Variants in DNAH11 observed in about 807,000 individuals in gnomAD.
DNAH11 encodes axonemal beta dynein heavy chain 11.
In DNAH11, 442 loss-of-function variants were observed where a neutral mutation model predicts 526.0. The observed-to-expected ratio is 0.84, with a 90% confidence interval of 0.78 to 0.91. The LOEUF is 0.91. DNAH11 is among the 40% of genes least tolerant of loss of function. The pLI, the probability that DNAH11 is intolerant of heterozygous loss-of-function variation, is 0.00. For synonymous variants in DNAH11, 2,461 were observed against 1,935.9 expected, an observed-to-expected ratio of 1.27 and a Z score of -7.12; for missense variants, 6,989 against 5,448.7, an observed-to-expected ratio of 1.28 and a Z score of -8.90.
chr7:21,674,728 A>G (rs1035811005), intron 30 of DNAH11, among the ~76,000 whole-genome samples: 2 of 151,854 alleles, frequency 1.3e-5, no homozygotes, highest in South Asian at 4.2e-4. Context: ...TCCAGTCTAC[A>G]TCTCTCTCCT....
At chr7:21,681,235 T>A (rs74430554) in intron 30 of DNAH11, among the ~76,000 whole-genome samples, 7 of 152,192 alleles carry the variant, frequency 4.6e-5, no homozygotes, top group Admixed American at 2.0e-4. Flanking sequence ...GAGACCAGCC[T>A]GACCAAAATG....
At chr7:21,890,499 A>G (rs1216780790) in intron 76 of DNAH11, among the ~76,000 whole-genome samples, 2 of 152,162 alleles carry the variant, frequency 1.3e-5, no homozygotes, top group Non-Finnish European at 2.9e-5. Context: ...TTTATTAAGG[A>G]CAGATTAACT....
chr7:21,712,529 C>T (rs184005517), intron 42 of DNAH11, among the ~76,000 whole-genome samples: 5 of 152,296 alleles, frequency 3.3e-5, no homozygotes, highest in Admixed American at 1.3e-4. Flanking sequence ...ACACCTGTGC[C>T]GGCACTTGTT....
chr7:21,630,008 C>A (rs1461868463), intron 25 of DNAH11, among the ~76,000 whole-genome samples: 1 of 151,872 alleles, frequency 6.6e-6, no homozygotes, highest in Non-Finnish European at 1.5e-5. Flanking sequence ...TTACTGCCTT[C>A]CTTTATTGTT....
intron 47 of DNAH11, among the ~76,000 whole-genome samples, chr7:21,739,087 G>A (rs1785753657): frequency 6.6e-6 from 1 of 152,032 alleles, no homozygotes; most frequent in South Asian, 2.1e-4. Context: ...TGTATCTTTG[G>A]AAGATTGGAT....
At chr7:21,685,329 G>A (rs1783328091) in intron 32 of DNAH11, among the ~76,000 whole-genome samples, 1 of 152,160 alleles carries the variant, frequency 6.6e-6, no homozygotes, top group Non-Finnish European at 1.5e-5. Context: ...GGAGAAAAAG[G>A]GAAGAGGCAT....
At chr7:21,577,861 C>T (rs765421194) in intron 8 of DNAH11, among the ~76,000 whole-genome samples, 2 of 152,066 alleles carry the variant, frequency 1.3e-5, no homozygotes, top group Admixed American at 6.6e-5. Context: ...GATGCCAATA[C>T]CAAGATAATA....
intron 35 of DNAH11, among the ~76,000 whole-genome samples, chr7:21,694,293 T>C (rs967131748): frequency 6.6e-6 from 1 of 152,154 alleles, no homozygotes; most frequent in African/African-American, 2.4e-5. Flanking sequence ...CAACCCATCA[T>C]CTAGGTTTTA....
chr7:21,850,584 C>T (rs1288580131), intron 66 of DNAH11, among the ~76,000 whole-genome samples: 1 of 146,538 alleles, frequency 6.8e-6, no homozygotes, highest in Non-Finnish European at 1.5e-5. Context: ...GAGTCTTGTC[C>T]TGAGGTTTGC....
chr7:21,729,872 A>G lies in DNAH11; in HGVS notation c.7440+3888A>G, dbSNP rs745622624. Reference sequence around the variant, plus strand: ...CAAAGTCACTTCCACTTTTTTAGGTATCTGTTACCATAGCAGCCCACTTCT... The same window carrying G: ...CAAAGTCACTTCCACTTTTTTAGGTGTCTGTTACCATAGCAGCCCACTTCT... On this transcript the variant is annotated intron_variant, in intron 45 of 81. Transcript: ENST00000409508. Among the ~76,000 whole-genome samples, 24 of 152,324 alleles carry G rather than the reference A, an allele frequency of 1.6e-4. No individual in the cohort carries two copies. The Middle Eastern group carries it at 0.017, about 108-fold the overall frequency.
In DNAH11 at chr7:21,638,910, A is replaced by T. The variant is rs768275521; in HGVS notation, c.4818-29A>T. ...GTTTTAATGACTGAAGGGACAAGAT[A>T]TGCTTAAAAACATTTTTCATTCATG... On this transcript the variant is annotated intron_variant, in intron 27 of 81. Coordinates refer to ENST00000409508, the MANE Select transcript of DNAH11 (RefSeq NM_001277115.2). 8.2e-6 allele frequency: 13 copies of T among 1,590,898 alleles called. No individual in the cohort carries two copies. The South Asian group carries it at 1.3e-4, about 16-fold the overall frequency.
At chr7:21,745,642 C>A (rs949603897) in intron 51 of DNAH11, among the ~76,000 whole-genome samples, 1 of 152,190 alleles carries the variant, frequency 6.6e-6, no homozygotes, top group Non-Finnish European at 1.5e-5. Context: ...ACAATCCAGT[C>A]CCCTCTGTAG....
At chr7:21,780,784 C>G (rs770768328) in intron 57 of DNAH11, among the ~76,000 whole-genome samples, 1 of 152,096 alleles carries the variant, frequency 6.6e-6, no homozygotes, top group Non-Finnish European at 1.5e-5. Flanking sequence ...ATCCATGGAG[C>G]TGGATGTTAA....
rs57702916 is a variant in DNAH11 at position 21,698,684 on chromosome 7, A to G, written c.6180+471A>G. ...ATGACTGAGTAATATTCCATGGTGT[A>G]TATATACCACAGTTTCTTTATCCAC... On this transcript the variant is annotated intron_variant, in intron 36 of 81. Coordinates refer to ENST00000409508, the MANE Select transcript of DNAH11 (RefSeq NM_001277115.2). Among the ~76,000 whole-genome samples the G allele has an allele frequency of 8.4e-3, 1,283 of 152,284 alleles. 104 individuals carry two copies. In the East Asian group the frequency reaches 0.2, roughly 24 times the overall value.
In DNAH11 at chr7:21,748,641, G is replaced by A. The variant is rs201501951; in HGVS notation, c.8572G>A (p.Gly2858Ser). The change falls in exon 52 of 82, where the codon GGC (glycine) becomes AGC (serine). Residue 2858 changes from glycine to serine, a missense_variant. Physicochemically the swap from Gly to Ser is moderately conservative, Grantham distance 56 (BLOSUM62 0). Transcript: ENST00000409508. ...CTGTGCTCTCTTGGTTGGAGTTGGGGGCAGTGGCAAGCAGAGCTTGTCCAG... is the reference window on the plus strand; with the variant it reads ...CTGTGCTCTCTTGGTTGGAGTTGGGAGCAGTGGCAAGCAGAGCTTGTCCAG... Reference protein sequence around the residue: ...QGCALLVGVGGSGKQSLSRLA... With the variant: ...QGCALLVGVGSSGKQSLSRLA... 1.7e-4 allele frequency: 269 copies of A among 1,613,196 alleles called. 1 individual carries two copies. The highest frequency in any genetic ancestry group is 1.9e-4 in the Non-Finnish European group (223 of 1,179,470).
At chr7:21,813,532 T>C (rs1167915641) in intron 63 of DNAH11, among the ~76,000 whole-genome samples, 1 of 152,214 alleles carries the variant, frequency 6.6e-6, no homozygotes, top group African/African-American at 2.4e-5. Context: ...ACTGGCAGTA[T>C]TACCTCCACA....
Position 21,571,899 on chromosome 7 carries a change from A to T in DNAH11, c.1519A>T (p.Met507Leu). Residue 507 changes from methionine (M) to leucine (L), a missense_variant, in exon 8 of 82, where the codon ATG (methionine) becomes TTG (leucine). Physicochemically the swap from Met to Leu is conservative, Grantham distance 15. Transcript: ENST00000409508. The part of the protein sequence containing the change: ...GAILNGQVHE[M>L]SEELMELCKL... ...AATTTTAAATGGACAAGTCCACGAG[A>T]TGAGTGAAGAACTTATGGAACTCTG... The T allele has an allele frequency of 6.2e-7, 1 of 1,613,034 alleles. No individual in the cohort carries two copies. Among genetic ancestry groups the T allele is most frequent in the African/African-American group, 1.3e-5 (1 of 75,016 alleles).
chr7:21,666,251 G>T (rs542544339), intron 30 of DNAH11, among the ~76,000 whole-genome samples: 6 of 151,532 alleles, frequency 4.0e-5, no homozygotes, highest in South Asian at 4.1e-4. Flanking sequence ...AATATATATC[G>T]CTGCCTTGTC....
intron 55 of DNAH11, among the ~76,000 whole-genome samples, chr7:21,771,827 T>C (rs1282009411): frequency 6.7e-6 from 1 of 150,318 alleles, no homozygotes; most frequent in Non-Finnish European, 1.5e-5. Context: ...GCAACTCCTC[T>C]CAATTCTCCC....
Sources: gnomAD v4.1 joint callset for allele counts (sites outside exome capture counted in the v4.1 genomes callset) on GRCh38, gnomAD v4.1.1 for gene constraint, MANE v1.5 for transcripts, NCBI Gene and HGNC (gene_info 2026-07-23, HGNC 2026-07-21) for gene names.